BIRC6: variants seen among roughly 807,000 people sequenced by gnomAD.
BIRC6 encodes the protein dual E2 ubiquitin-conjugating enzyme/E3 ubiquitin-protein ligase BIRC6.
BIRC6 carries 98 observed loss-of-function variants against 503.3 expected under a neutral mutation model. That is an observed-to-expected ratio of 0.19 (90% confidence interval 0.17 to 0.23). BIRC6 has a LOEUF of 0.23. BIRC6 is among the 10% of genes least tolerant of loss of function. The pLI, the probability that BIRC6 is intolerant of heterozygous loss-of-function variation, is 1.00. For synonymous variants in BIRC6, 2,240 were observed against 2,078.7 expected, an observed-to-expected ratio of 1.08 and a Z score of -2.11; for missense variants, 5,360 against 5,806.0, an observed-to-expected ratio of 0.92 and a Z score of 2.50.
intron 24 of BIRC6, 130 bp from the exon 25 acceptor site, chr2:32,464,379 G>A: frequency 8.5e-7 from 1 of 1,176,626 alleles, no homozygotes; most frequent in African/African-American, 1.5e-5. Flanking sequence ...GTCCAGTTTT[G>A]ATTTAATTTC....
intron 6 of BIRC6, among the ~76,000 whole-genome samples, chr2:32,399,525 T>C (rs1188840395): frequency 6.6e-6 from 1 of 152,228 alleles, no homozygotes; most frequent in East Asian, 1.9e-4. Context: ...CCTGACTAAC[T>C]GGGACTATAT....
intron 33 of BIRC6, among the ~76,000 whole-genome samples, chr2:32,475,713 A>G (rs1227393235): frequency 6.6e-6 from 1 of 152,138 alleles, no homozygotes; most frequent in African/African-American, 2.4e-5. Context: ...AGATTTCTGT[A>G]TTATTTCTTA....
intron 49 of BIRC6, 150 bp from the exon 50 acceptor site, chr2:32,504,855 G>A (rs2053625622): frequency 1.4e-6 from 1 of 704,742 alleles, no homozygotes; most frequent in South Asian, 2.0e-5. Context: ...ATACCTTTAC[G>A]GTCATGCTTA....
chr2:32,387,264 A>G (rs1468748595), intron 3 of BIRC6, among the ~76,000 whole-genome samples: 1 of 151,588 alleles, frequency 6.6e-6, no homozygotes, highest in African/African-American at 2.4e-5. Context: ...CTGATCTGTG[A>G]ACAGATTAAT....
At chr2:32,616,689 A>G (rs558721987) in intron 73 of BIRC6, among the ~76,000 whole-genome samples, 4 of 152,148 alleles carry the variant, frequency 2.6e-5, no homozygotes, top group African/African-American at 9.6e-5. Context: ...CCTGATAAAT[A>G]TTTTTTTCAT....
At chr2:32,492,435 A>G (rs2051855438) in intron 44 of BIRC6, among the ~76,000 whole-genome samples, 1 of 152,114 alleles carries the variant, frequency 6.6e-6, no homozygotes. Flanking sequence ...ACTAACTTAC[A>G]GTTAGATTGG....
intron 4 of BIRC6, among the ~76,000 whole-genome samples, chr2:32,390,403 C>A (rs920265413): frequency 6.6e-6 from 1 of 152,120 alleles, no homozygotes; most frequent in Non-Finnish European, 1.5e-5. Context: ...AGCTCCTGAC[C>A]TTATGATCCA....
chr2:32,414,332 G>A (rs1416875531), intron 9 of BIRC6, among the ~76,000 whole-genome samples: 3 of 152,082 alleles, frequency 2.0e-5, no homozygotes, highest in Admixed American at 6.6e-5. Flanking sequence ...AGTTGAATCC[G>A]TGGATGTAGA....
intron 65 of BIRC6, among the ~76,000 whole-genome samples, chr2:32,556,009 G>C (rs891346403): frequency 6.6e-6 from 1 of 151,152 alleles, no homozygotes; most frequent in Non-Finnish European, 1.5e-5. Flanking sequence ...TAGTTTTTGT[G>C]ACAGTTAGCT....
chr2:32,430,805 CTT>C (rs370529825), intron 11 of BIRC6, 58 bp from the exon 12 acceptor site: 10,310 of 477,320 alleles, frequency 0.022, 1 homozygote, highest in East Asian at 0.036. Context: ...TCATTGTCTT[CTT>C]TTTTTTTTTT....
intron 3 of BIRC6, among the ~76,000 whole-genome samples, chr2:32,387,021 G>GGT (rs1205393359): frequency 3.9e-5 from 6 of 152,068 alleles, no homozygotes; most frequent in Non-Finnish European, 7.4e-5. Context: ...TTTATTAATC[G>GGT]CTTGACCATC....
chr2:32,357,213 C>A lies in BIRC6; in HGVS notation c.52C>A (p.Pro18Thr). The A allele has an allele frequency of 1.3e-6, 2 of 1,537,496 alleles. No homozygotes were observed. Among genetic ancestry groups the A allele is most frequent in the Non-Finnish European group, 8.7e-7 (1 of 1,146,878 alleles). ...TCCCGGGACTGTCACTGAGCCGCTT[C>A]CCAGTGTGATTGTGCTGAGCGCAGG... Reference protein sequence around the residue: ...APPGTVTEPLPSVIVLSAGRK... With the variant: ...APPGTVTEPLTSVIVLSAGRK... Residue 18 changes from proline (P) to threonine (T), a missense_variant, in exon 1 of 74, where the codon CCC (proline) becomes ACC (threonine). Pro to Thr is a conservative substitution (Grantham distance 38). Coordinates refer to ENST00000421745, the MANE Select transcript of BIRC6 (RefSeq NM_016252.4). The surrounding 1 kb of genome is among the most constrained non-coding windows in gnomAD (Gnocchi z 4.9).
intron 10 of BIRC6, among the ~76,000 whole-genome samples, chr2:32,416,790 C>T (rs2042420756): frequency 7.4e-6 from 1 of 135,368 alleles, no homozygotes; most frequent in Admixed American, 7.8e-5. Flanking sequence ...CCCTTTCCCC[C>T]TTTCTTTCCC....
chr2:32,603,581 G>A (rs754731248), intron 71 of BIRC6, among the ~76,000 whole-genome samples: 31 of 152,032 alleles, frequency 2.0e-4, no homozygotes, highest in Non-Finnish European at 4.4e-4. Flanking sequence ...TTAGCCGGAC[G>A]AGGTGGTGCG....
At chr2:32,611,361 A>G (rs1402799479) in intron 72 of BIRC6, 87 bp from the exon 73 acceptor site, 3 of 938,676 alleles carry the variant, frequency 3.2e-6, no homozygotes, top group African/African-American at 3.4e-5. Flanking sequence ...TATTTATAAT[A>G]CATTTTACTT....
chr2:32,416,455 C>T (rs1273402355), intron 10 of BIRC6, among the ~76,000 whole-genome samples: 1 of 151,522 alleles, frequency 6.6e-6, no homozygotes, highest in East Asian at 1.9e-4. Context: ...TGCATCTGCT[C>T]AAATTTATGA....
At chr2:32,480,601 C>G (rs987302912) in intron 37 of BIRC6, among the ~76,000 whole-genome samples, 1 of 115,928 alleles carries the variant, frequency 8.6e-6, no homozygotes, top group African/African-American at 3.3e-5. Flanking sequence ...TAATTCATAA[C>G]AGAAAAATAA....
At chr2:32,483,665 G>C (rs1205696147) in intron 39 of BIRC6, among the ~76,000 whole-genome samples, 1 of 152,146 alleles carries the variant, frequency 6.6e-6, no homozygotes, top group African/African-American at 2.4e-5. Context: ...CCTCATAGTT[G>C]ACCTTCATGA....
intron 9 of BIRC6, among the ~76,000 whole-genome samples, chr2:32,413,329 C>T (rs772221781): frequency 4.0e-5 from 6 of 151,816 alleles, no homozygotes; most frequent in Non-Finnish European, 8.8e-5. Context: ...TACAGGCATG[C>T]ACCACCACAC....
Sources: gnomAD v4.1 joint callset for allele counts (sites outside exome capture counted in the v4.1 genomes callset) on GRCh38, gnomAD v4.1.1 for gene constraint, Gnocchi (gnomAD v3.1) non-coding constraint, MANE v1.5 for transcripts, NCBI Gene and HGNC (gene_info 2026-07-23, HGNC 2026-07-21) for gene names.